GRM7: variants seen among roughly 807,000 people sequenced by gnomAD.
GRM7 encodes glutamate metabotropic receptor 7.
Under a neutral mutation model 84.5 loss-of-function variants are expected in GRM7, and 35 were observed. The observed-to-expected ratio is 0.41, with a 90% CI of 0.32 to 0.55. The LOEUF (loss-of-function observed/expected upper bound fraction) is 0.55. Among genes scored for constraint, GRM7 ranks in the 20% least tolerant of loss-of-function variants. The probability of loss-of-function intolerance (pLI) is 0.19; values close to 1 mark genes in which losing one functional copy is unlikely to be tolerated. For missense variants in GRM7, 1,003 were observed against 1,194.6 expected (o/e 0.84, Z 2.36); for synonymous variants, 487 against 455.1 (o/e 1.07, Z -0.89).
intron 2 of GRM7, among the ~76,000 whole-genome samples, chr3:7,182,842 C>G (rs1400521233): frequency 6.8e-6 from 1 of 147,842 alleles, no homozygotes; most frequent in East Asian, 2.0e-4. Flanking sequence ...ACAATTTTAT[C>G]TTGAAGATTT....
rs760807880 is a variant in GRM7, at chr3:6,988,163, A to ATTTT, written c.519+126280_519+126283dup. Among the ~76,000 whole-genome samples, 26 of 95,282 alleles carry ATTTT rather than the reference A, an allele frequency of 2.7e-4. 4 individuals are homozygous for ATTTT. Among genetic ancestry groups the ATTTT allele is most frequent in the African/African-American group, 9.7e-4 (18 of 18,470 alleles). 62.5% of individuals were successfully genotyped at this position (95,282 alleles called of 152,430 possible). ...AGGCGGCCACCATCACGCCTGGCTA[A>ATTTT]TTTTTTTTTTTTTTTTTTTTTTTTT... On this transcript the variant is annotated intron_variant, in intron 1 of 9. Coordinates refer to ENST00000357716, the MANE Select transcript of GRM7 (RefSeq NM_000844.4).
chr3:7,302,963 C>T (rs372281362), intron 3 of GRM7, among the ~76,000 whole-genome samples: 21 of 120,204 alleles, frequency 1.7e-4, no homozygotes, highest in African/African-American at 9.5e-4. Context: ...TTTGTTGAGA[C>T]AGAGTCTCGC....
intron 5 of GRM7, among the ~76,000 whole-genome samples, chr3:7,442,388 A>C (rs1313857721): frequency 6.6e-6 from 1 of 152,174 alleles, no homozygotes; most frequent in African/African-American, 2.4e-5. Flanking sequence ...TATAGGAATG[A>C]ATTCACAGCA....
chr3:7,197,786 G>GT (rs1330783736), intron 2 of GRM7, among the ~76,000 whole-genome samples: 6 of 151,712 alleles, frequency 4.0e-5, no homozygotes, highest in African/African-American at 1.5e-4. Flanking sequence ...GGTGTATATA[G>GT]TTACTGTCAT....
chr3:6,877,809 T>TCACACACACACA (rs3220585), intron 1 of GRM7, among the ~76,000 whole-genome samples: 5 of 145,540 alleles, frequency 3.4e-5, no homozygotes, highest in Non-Finnish European at 7.5e-5. Context: ...TACACAGATA[T>TCACACACACACA]CACACACACA....
In GRM7 at chr3:7,275,186, T is replaced by C. The variant is rs147562100; in HGVS notation, c.737-23498T>C. ...CTATTTATATTACCCATCTGTTATA[T>C]ATGCTGTTTACCTTATCCATTAGCA... On this transcript the variant is annotated intron_variant, in intron 2 of 9. Coordinates refer to ENST00000357716, the MANE Select transcript of GRM7 (RefSeq NM_000844.4). 3.0e-3 allele frequency among the ~76,000 whole-genome samples: 457 copies of C among 152,328 alleles called. 4 individuals carry two copies. The highest frequency in any genetic ancestry group is 5.1e-3 in the Non-Finnish European group (346 of 68,010).
At chr3:7,092,847 G>A (rs1403530563) in intron 1 of GRM7, among the ~76,000 whole-genome samples, 1 of 152,204 alleles carries the variant, frequency 6.6e-6, no homozygotes, top group Non-Finnish European at 1.5e-5. Flanking sequence ...ACTTTGGGAA[G>A]CCAAGGCAGA....
intron 5 of GRM7, among the ~76,000 whole-genome samples, chr3:7,419,980 C>T (rs969303826): frequency 2.6e-5 from 4 of 152,142 alleles, no homozygotes; most frequent in African/African-American, 7.2e-5. Flanking sequence ...GGCTAAAGAG[C>T]GTACTCTGAT....
chr3:7,405,446 T>C (rs1046126950), intron 4 of GRM7, among the ~76,000 whole-genome samples: 2 of 152,204 alleles, frequency 1.3e-5, no homozygotes, highest in African/African-American at 4.8e-5. Flanking sequence ...ATTAGCATAT[T>C]CATCCACTCA....
At chr3:7,234,102 G>C (rs73809023) in intron 2 of GRM7, among the ~76,000 whole-genome samples, 4,327 of 151,992 alleles carry the variant, frequency 0.028, 186 homozygotes, top group African/African-American at 0.097. Context: ...AACCAAAAAA[G>C]GAATGCTCAA....
chr3:7,350,001 T>C (rs1693065465), intron 4 of GRM7, among the ~76,000 whole-genome samples: 1 of 152,116 alleles, frequency 6.6e-6, no homozygotes, highest in African/African-American at 2.4e-5. Flanking sequence ...CATATTTTCT[T>C]GACTTCCACC....
intron 1 of GRM7, among the ~76,000 whole-genome samples, chr3:6,897,947 C>T (rs994720384): frequency 3.3e-5 from 5 of 152,084 alleles, no homozygotes; most frequent in East Asian, 1.9e-4. Context: ...TGAGGGATGC[C>T]GCCATCCATC....
intron 2 of GRM7, among the ~76,000 whole-genome samples, chr3:7,274,203 G>C (rs1698969388): frequency 6.6e-6 from 1 of 151,712 alleles, no homozygotes; most frequent in African/African-American, 2.4e-5. Flanking sequence ...TTGTATCATT[G>C]TTGTCATTCA....
chr3:7,334,713 G>T (rs1040667773), intron 4 of GRM7, among the ~76,000 whole-genome samples: 1 of 152,020 alleles, frequency 6.6e-6, no homozygotes. Context: ...CTTAAGGTAA[G>T]TGGGTTAAAA....
chr3:7,683,807 C>A (rs531532768), intron 9 of GRM7, among the ~76,000 whole-genome samples: 16 of 152,306 alleles, frequency 1.1e-4, no homozygotes, highest in Admixed American at 3.9e-4. Context: ...ACACTTTTGA[C>A]TGAGGCTACT....
intron 1 of GRM7, among the ~76,000 whole-genome samples, chr3:7,011,143 A>G (rs1048473929): frequency 6.6e-6 from 1 of 152,198 alleles, no homozygotes; most frequent in Admixed American, 6.5e-5. Context: ...AATGGGGGAC[A>G]GGGGACAAAA....
At chr3:7,066,252 A>G (rs1697657125) in intron 1 of GRM7, among the ~76,000 whole-genome samples, 1 of 151,904 alleles carries the variant, frequency 6.6e-6, no homozygotes, top group Non-Finnish European at 1.5e-5. Flanking sequence ...GGTTCTTTGA[A>G]AAGATAAAAC....
intron 4 of GRM7, among the ~76,000 whole-genome samples, chr3:7,388,605 G>T (rs1218629146): frequency 6.6e-6 from 1 of 151,804 alleles, no homozygotes. Context: ...TTTTAGTACT[G>T]CTTCAATTTT....
intron 8 of GRM7, among the ~76,000 whole-genome samples, chr3:7,599,336 A>G (rs1191892191): frequency 6.6e-6 from 1 of 152,150 alleles, no homozygotes; most frequent in East Asian, 1.9e-4. Context: ...TTTTCATAAA[A>G]CTGAAATACA....
Sources: gnomAD v4.1 joint callset for allele counts (sites outside exome capture counted in the v4.1 genomes callset) on GRCh38, gnomAD v4.1.1 for gene constraint, MANE v1.5 for transcripts, NCBI Gene and HGNC (gene_info 2026-07-23, HGNC 2026-07-21) for gene names.